The following DENND2C variants were observed in gnomAD, a reference collection of about 807,000 sequenced individuals.
The protein encoded by DENND2C is DENN domain containing 2C, also known as DENN domain-containing protein 2C.
In DENND2C, 72 loss-of-function variants were observed where a neutral mutation model predicts 112.4. The observed-to-expected ratio is 0.64, with a 90% CI of 0.53 to 0.78. The LOEUF (loss-of-function observed/expected upper bound fraction) is 0.78. Among genes scored for constraint, DENND2C ranks in the 30% least tolerant of loss-of-function variants. DENND2C has a pLI of 0.00. For missense variants in DENND2C, 992 were observed against 1,113.8 expected (o/e 0.89, Z 1.56); for synonymous variants, 329 against 381.6 (o/e 0.86, Z 1.61).
Position 114,662,412 on chromosome 1 carries a change from G to A in DENND2C, c.-574+7571C>T, listed in dbSNP as rs115953043. Among the ~76,000 whole-genome samples, 138 of 152,018 alleles carry A rather than the reference G, an allele frequency of 9.1e-4. 1 individual carries two copies. The Middle Eastern group carries it at 0.01, about 11-fold the overall frequency. ...ATTTTAACATCCAAACAAAAAATCC[G>A]CAAATATGTCATTTCTATGAATTCA... is the stretch of plus-strand genomic sequence containing the variant. On this transcript the variant is annotated intron_variant, in intron 1 of 20. Transcript: ENST00000393274.
rs1656298641 is a variant in DENND2C, at chr1:114,625,230, T to C, written c.755A>G (p.Gln252Arg). 3.1e-6 allele frequency: 5 copies of C among 1,613,258 alleles called. No individual in the cohort carries two copies. The highest frequency in any genetic ancestry group is 4.2e-6 in the Non-Finnish European group (5 of 1,179,848). The change falls in exon 4 of 21, where the codon CAG (glutamine) becomes CGG (arginine). Residue 252 changes from glutamine to arginine, a missense_variant. Gln to Arg is a conservative substitution (Grantham distance 43). Coordinates refer to ENST00000393274, the MANE Select transcript of DENND2C (RefSeq NM_001256404.2). Reference protein sequence around the residue: ...SCAQSSLASSQEPEPKKYGGK... With the variant: ...SCAQSSLASSREPEPKKYGGK... ...ACCATATTTCTTTGGTTCAGGTTCCTGAGAAGAGGCCAAAGAAGATTGTGC... is the reference window on the plus strand; with the variant it reads ...ACCATATTTCTTTGGTTCAGGTTCCCGAGAAGAGGCCAAAGAAGATTGTGC...
At chr1:114,596,257 G>A (rs1655339940) in intron 16 of DENND2C, among the ~76,000 whole-genome samples, 1 of 152,122 alleles carries the variant, frequency 6.6e-6, no homozygotes, top group Non-Finnish European at 1.5e-5. Flanking sequence ...AGCTACTCGG[G>A]AGGCTGATCT....
At chr1:114,597,406 T>C (rs1655372709) in intron 16 of DENND2C, among the ~76,000 whole-genome samples, 1 of 151,866 alleles carries the variant, frequency 6.6e-6, no homozygotes, top group Admixed American at 6.6e-5. Context: ...ATCACACCAC[T>C]GCACTCCAGC....
chr1:114,604,013 T>TATA (rs1655590203), intron 11 of DENND2C, among the ~76,000 whole-genome samples: 1 of 152,176 alleles, frequency 6.6e-6, no homozygotes, highest in Admixed American at 6.6e-5. Flanking sequence ...AATAAACATA[T>TATA]ATAACTTGTT....
intron 8 of DENND2C, among the ~76,000 whole-genome samples, chr1:114,614,904 C>G (rs891798878): frequency 1.3e-5 from 2 of 151,910 alleles, no homozygotes; most frequent in Non-Finnish European, 2.9e-5. Flanking sequence ...ATCACAGCTA[C>G]TCGGGAGGCT....
intron 16 of DENND2C, among the ~76,000 whole-genome samples, chr1:114,597,620 A>G (rs1655380233): frequency 6.6e-6 from 1 of 152,018 alleles, no homozygotes; most frequent in Admixed American, 6.6e-5. Flanking sequence ...CGTCTCTACT[A>G]AAAATACAAA....
At chr1:114,649,569 G>A (rs1314029205) in intron 2 of DENND2C, among the ~76,000 whole-genome samples, 1 of 151,780 alleles carries the variant, frequency 6.6e-6, no homozygotes, top group Admixed American at 6.6e-5. Context: ...ATAGAGACAG[G>A]GTCTCGCTGT....
chr1:114,638,374 G>C (rs1388194023), intron 3 of DENND2C, among the ~76,000 whole-genome samples: 4 of 152,088 alleles, frequency 2.6e-5, no homozygotes, highest in African/African-American at 9.7e-5. Context: ...GATGTCTTAG[G>C]ACACAAAACA....
At chr1:114,638,890 A>T (rs1176815285) in intron 3 of DENND2C, among the ~76,000 whole-genome samples, 1 of 152,204 alleles carries the variant, frequency 6.6e-6, no homozygotes, top group Non-Finnish European at 1.5e-5. Context: ...TTGGCAAGAA[A>T]CAAAGAAATA....
chr1:114,585,389 T>G lies in DENND2C; in HGVS notation c.*211A>C. The stretch of plus-strand genomic sequence containing the variant: ...CTATAAAAAAAAAATGGAGACAGAG[T>G]AAAGATGGCATGGTGCCAGACCATT... On this transcript the variant is annotated 3_prime_UTR_variant, in exon 21 of 21. Transcript: ENST00000393274. 1 of 474,972 alleles carries G rather than the reference T, an allele frequency of 2.1e-6. No homozygotes were observed. The highest frequency in any genetic ancestry group is 3.8e-6 in the Non-Finnish European group (1 of 263,258). 29.4% of individuals were successfully genotyped at this position (474,972 alleles called of 1,614,324 possible).
At position 114,585,647 on chromosome 1, in the gene DENND2C, A is replaced by G; in HGVS notation, c.2756-16T>C. Reference sequence around the variant, plus strand: ...ATTTTGCTTCCTAAAGGGAAAGAAAAGTACAGTGAATGCTCAATTCATTTT... The same window carrying G: ...ATTTTGCTTCCTAAAGGGAAAGAAAGGTACAGTGAATGCTCAATTCATTTT... On this transcript the variant is annotated splice_polypyrimidine_tract_variant and intron_variant, in intron 20 of 20. Transcript: ENST00000393274. 1 of 1,612,006 alleles carries G rather than the reference A, an allele frequency of 6.2e-7. No homozygotes were observed. The highest frequency in any genetic ancestry group is 8.5e-7 in the Non-Finnish European group (1 of 1,178,216).
At chr1:114,607,205 T>C (rs937234387) in intron 10 of DENND2C, among the ~76,000 whole-genome samples, 2 of 152,206 alleles carry the variant, frequency 1.3e-5, no homozygotes, top group African/African-American at 4.8e-5. Flanking sequence ...ACTCAGGCTT[T>C]AAGACCTTGG....
chr1:114,587,330 A>G, intron 20 of DENND2C, 57 bp downstream of exon 20: 1 of 1,583,390 alleles, frequency 6.3e-7, no homozygotes, highest in Non-Finnish European at 8.7e-7. Context: ...TACAGGCATG[A>G]GCCACCGCGC....
Position 114,600,858 on chromosome 1 carries a change from T to C in DENND2C, c.1918A>G (p.Ile640Val), listed in dbSNP as rs762438086. The C allele has an allele frequency of 6.2e-7, 1 of 1,614,080 alleles. No homozygotes were observed. Among genetic ancestry groups the C allele is most frequent in the South Asian group, 1.1e-5 (1 of 91,070 alleles). The change falls in exon 14 of 21, where the codon ATC (isoleucine) becomes GTC (valine). Residue 640 changes from isoleucine (I) to valine (V), a missense_variant. Ile to Val is a conservative substitution (Grantham distance 29). This residue lies in a region of DENND2C where 516 missense variants were observed against 623.6 expected (regional missense o/e 0.83). Coordinates refer to ENST00000393274, the MANE Select transcript of DENND2C (RefSeq NM_001256404.2). ...CCAGGGAGGTAACTCTTAACTGTGA[T>C]GGTGCGTCCAGGAGCTGGGAAAGGA... ...EAPFPAPGRT[I>V]TVKSYLPGAG...
chr1:114,601,008 A>G, intron 13 of DENND2C, 48 bp from the exon 14 acceptor site: 2 of 1,561,304 alleles, frequency 1.3e-6, no homozygotes, highest in East Asian at 2.3e-5. Context: ...TAAAAAATAT[A>G]AAAGAATGCC....
At chr1:114,607,042 A>G (rs528952795) in intron 10 of DENND2C, among the ~76,000 whole-genome samples, 2 of 152,228 alleles carry the variant, frequency 1.3e-5, no homozygotes, top group East Asian at 3.9e-4. Context: ...TAACCCTCCC[A>G]ATGCCTGTGC....
At chr1:114,594,258 T>C (rs1291944696) in intron 18 of DENND2C, among the ~76,000 whole-genome samples, 1 of 152,176 alleles carries the variant, frequency 6.6e-6, no homozygotes, top group Admixed American at 6.5e-5. Flanking sequence ...TCTGCGGGAA[T>C]AGCATTCTAT....
At chr1:114,647,075 G>T (rs1195079520) in intron 2 of DENND2C, among the ~76,000 whole-genome samples, 1 of 151,758 alleles carries the variant, frequency 6.6e-6, no homozygotes, top group African/African-American at 2.4e-5. Flanking sequence ...CAGGAGAACT[G>T]CTTCAACCCT....
chr1:114,587,652 A>C (rs1655075993), intron 19 of DENND2C, 64 bp downstream of exon 19: 2 of 1,463,772 alleles, frequency 1.4e-6, no homozygotes, highest in Non-Finnish European at 1.9e-6. Flanking sequence ...TTTTATTCAT[A>C]ATATAGTAAA....
Sources: allele counts gnomAD v4.1 joint callset (sites outside exome capture counted in the v4.1 genomes callset), GRCh38; gene constraint gnomAD v4.1.1; regional missense constraint gnomAD v4.1.1; transcripts MANE v1.5; gene names NCBI Gene and HGNC (gene_info 2026-07-23, HGNC 2026-07-21).